DLAT: variants seen among roughly 807,000 people sequenced by gnomAD.
DLAT encodes dihydrolipoyllysine-residue acetyltransferase component of pyruvate dehydrogenase complex, mitochondrial.
In DLAT, 43 loss-of-function variants were observed where a neutral mutation model predicts 68.0. The ratio of observed to expected loss-of-function variants is 0.63; its 90% CI spans 0.50 to 0.81. The LOEUF is 0.81. Among genes scored for constraint, DLAT ranks in the 40% least tolerant of loss-of-function variants. The probability of loss-of-function intolerance (pLI) is 0.00; values close to 1 mark genes in which losing one functional copy is unlikely to be tolerated. For missense variants in DLAT, 745 were observed against 815.4 expected, an observed-to-expected ratio of 0.91 and a Z score of 1.05; for synonymous variants, 265 against 288.6, an observed-to-expected ratio of 0.92 and a Z score of 0.83.
intron 4 of DLAT, 136 bp from the exon 5 acceptor site, chr11:112,033,268 G>A: frequency 9.8e-7 from 1 of 1,023,760 alleles, no homozygotes; most frequent in Non-Finnish European, 1.5e-6. Flanking sequence ...AGCTATTGAG[G>A]TGTGAAGCTT....
chr11:112,028,654 C>T lies in DLAT; in HGVS notation c.506+15C>T. ...ACAGTTGGCAAGTGAGTAGTGCGCT[C>T]ATAATTTGTGGAACTTCATTGCTTG... On this transcript the variant is annotated intron_variant, in intron 3 of 13. Coordinates refer to ENST00000280346, the MANE Select transcript of DLAT (RefSeq NM_001931.5). The T allele has an allele frequency of 1.2e-6, 2 of 1,614,140 alleles. No individual in the cohort carries two copies. The highest frequency in any genetic ancestry group is 1.7e-6 in the Non-Finnish European group (2 of 1,180,022).
At chr11:112,045,083 T>C in intron 8 of DLAT, 55 bp from the exon 9 acceptor site, 1 of 1,348,268 alleles carries the variant, frequency 7.4e-7, no homozygotes, top group Non-Finnish European at 1.1e-6. Flanking sequence ...CTTTCCCAGG[T>C]ACTTACGCTA....
chr11:112,060,158 A>ATTTTTTTTTTTTTTTTTTTTTTTT (rs782188808), intron 12 of DLAT, 93 bp downstream of exon 12: 1 of 496,038 alleles, frequency 2.0e-6, no homozygotes, highest in African/African-American at 2.6e-5. Context: ...CTGTCACGTA[A>ATTTTTTTTTTTTTTTTTTTTTTTT]TTTTTTTTTT....
chr11:112,028,540 G>C lies in DLAT; in HGVS notation c.407G>C (p.Gly136Ala). 1 of 1,614,098 alleles carries C rather than the reference G, an allele frequency of 6.2e-7. No homozygotes were observed. Among genetic ancestry groups the C allele is most frequent in the African/African-American group, 1.3e-5 (1 of 75,012 alleles). The change falls in exon 3 of 14, where the codon GGA becomes GCA. Residue 136 changes from glycine to alanine, a missense_variant. Gly to Ala is a moderately conservative substitution (Grantham distance 60). Transcript: ENST00000280346. ...AEVETDKATV[G>A]FESLEECYMA... ...GTTGAAACTGATAAAGCCACTGTTG[G>C]ATTTGAGAGCCTGGAGGAGTGTTAT...
intron 7 of DLAT, among the ~76,000 whole-genome samples, chr11:112,043,115 GGCATTATCCTTAT>G (rs1390380492): frequency 1.3e-5 from 2 of 152,090 alleles, no homozygotes; most frequent in Non-Finnish European, 2.9e-5. Context: ...AACTGTGCTC[GGCATTATCCTTAT>G]GCCACATTTC....
intron 7 of DLAT, among the ~76,000 whole-genome samples, chr11:112,040,952 C>G (rs1043955852): frequency 3.3e-5 from 5 of 151,724 alleles, no homozygotes; most frequent in African/African-American, 1.2e-4. Flanking sequence ...AAGAAAATCC[C>G]ACTGTTCTTA....
chr11:112,051,095 G>A lies in DLAT; in HGVS notation c.1399-139G>A, dbSNP rs1018892127. ...ATGTGAGGCCTAATACCTGGGTGAT[G>A]GGTTGACAGGTGCAGCAAACCACCA... is the stretch of plus-strand genomic sequence containing the variant. On this transcript the variant is annotated intron_variant, in intron 10 of 13. Coordinates refer to ENST00000280346, the MANE Select transcript of DLAT (RefSeq NM_001931.5). The surrounding 1 kb of genome is among the most constrained non-coding windows in gnomAD (Gnocchi z 4.3). 15 of 611,556 alleles carry A rather than the reference G, an allele frequency of 2.5e-5. No individual in the cohort carries two copies. The highest frequency in any genetic ancestry group is 3.7e-5 in the African/African-American group (2 of 53,844). 37.9% of individuals were successfully genotyped at this position (611,556 alleles called of 1,614,324 possible).
chr11:112,033,624 T>C, intron 5 of DLAT, 94 bp downstream of exon 5: 1 of 1,418,892 alleles, frequency 7.0e-7, no homozygotes, highest in Non-Finnish European at 9.8e-7. Context: ...AGTGATAATA[T>C]GAAAACTTTA....
intron 11 of DLAT, 87 bp from the exon 12 acceptor site, chr11:112,059,816 G>C (rs988968248): frequency 2.8e-5 from 34 of 1,226,632 alleles, no homozygotes; most frequent in Non-Finnish European, 3.7e-5. Context: ...AAAAATTTTT[G>C]AAGTAAATAT....
Position 112,028,618 on chromosome 11 carries a change from T to C in DLAT, c.485T>C (p.Ile162Thr). The C allele has an allele frequency of 6.2e-7, 1 of 1,614,176 alleles. No homozygotes were observed. Among genetic ancestry groups the C allele is most frequent in the Non-Finnish European group, 8.5e-7 (1 of 1,180,036 alleles). Reference protein sequence around the residue: ...EGTRDVPIGAIICITVGKPED... With the variant: ...EGTRDVPIGATICITVGKPED... ...ACCAGGGATGTTCCCATCGGAGCGA[T>C]CATCTGTATCACAGTTGGCAAGTGA... The change falls in exon 3 of 14, where the codon ATC becomes ACC. Residue 162 changes from isoleucine to threonine, a missense_variant. Physicochemically the swap from Ile to Thr is moderately conservative, Grantham distance 89. Coordinates refer to ENST00000280346, the MANE Select transcript of DLAT (RefSeq NM_001931.5).
intron 11 of DLAT, among the ~76,000 whole-genome samples, chr11:112,056,175 A>C (rs1252607804): frequency 1.3e-5 from 2 of 151,922 alleles, no homozygotes; most frequent in African/African-American, 4.8e-5. Context: ...GCATGTAGAC[A>C]CTTTTTAACA....
intron 2 of DLAT, among the ~76,000 whole-genome samples, chr11:112,027,709 C>G (rs1479494305): frequency 2.6e-5 from 4 of 151,486 alleles, no homozygotes; most frequent in Admixed American, 6.6e-5. Flanking sequence ...ACCAGCCCGG[C>G]CAACACAGCG....
intron 6 of DLAT, among the ~76,000 whole-genome samples, chr11:112,038,022 A>G (rs1047615129): frequency 6.6e-6 from 1 of 152,228 alleles, no homozygotes; most frequent in Non-Finnish European, 1.5e-5. Context: ...CTATATAACT[A>G]TAACCTGAAC....
At chr11:112,034,056 C>T (rs1470902167) in intron 5 of DLAT, among the ~76,000 whole-genome samples, 1 of 152,194 alleles carries the variant, frequency 6.6e-6, no homozygotes, top group Non-Finnish European at 1.5e-5. Context: ...AATGCGTAGT[C>T]AGATTTGTCA....
chr11:112,026,578 T>C lies in DLAT; in HGVS notation c.381+279T>C, dbSNP rs1400682613. Among the ~76,000 whole-genome samples the C allele has an allele frequency of 4.6e-5, 7 of 152,186 alleles. No individual in the cohort carries two copies. The South Asian group carries it at 6.2e-4, about 14-fold the overall frequency. On this transcript the variant is annotated intron_variant, in intron 2 of 13. Coordinates refer to ENST00000280346, the MANE Select transcript of DLAT (RefSeq NM_001931.5). ...CTGTTTAACAAAGCACATCTTGCACTGCCCTTAATCCATTTAACCCTGAGT... is the reference window on the plus strand; with the variant it reads ...CTGTTTAACAAAGCACATCTTGCACCGCCCTTAATCCATTTAACCCTGAGT...
chr11:112,054,103 G>A (rs1242822949), intron 11 of DLAT, among the ~76,000 whole-genome samples: 13 of 151,362 alleles, frequency 8.6e-5, no homozygotes, highest in Admixed American at 6.6e-4. Context: ...GAGGTCAAGC[G>A]TTCGAGATCA....
intron 5 of DLAT, chr11:112,036,685 T>C (rs1862797853): frequency 6.6e-6 from 1 of 152,620 alleles, no homozygotes; most frequent in African/African-American, 2.4e-5. Flanking sequence ...GAATAAAATA[T>C]AAGTTGTCAA....
Position 112,064,362 on chromosome 11 carries a change from T to G in DLAT, c.*1827T>G. On this transcript the variant is annotated 3_prime_UTR_variant, in exon 14 of 14. Coordinates refer to ENST00000280346, the MANE Select transcript of DLAT (RefSeq NM_001931.5). ...AAATAGTGTTTTTGGTTCATATGAT[T>G]ATTTAAAAATTAAAGTATAAATCTT... 9.0e-6 allele frequency: 6 copies of G among 666,138 alleles called. No individual in the cohort carries two copies. The highest frequency in any genetic ancestry group is 1.2e-5 in the Non-Finnish European group (5 of 425,360). The allele number at this position is 666,138 out of a possible 1,614,324, so 41.3% of individuals were successfully genotyped here. A position where few individuals can be genotyped will look rare whatever the true frequency, so the allele number is the denominator to read the frequency against.
intron 7 of DLAT, 93 bp downstream of exon 7, chr11:112,039,490 C>G: frequency 3.9e-6 from 5 of 1,292,048 alleles, no homozygotes; most frequent in South Asian, 1.2e-5. Context: ...TATAGCCGTA[C>G]TTATAATTGG....
Sources: allele counts gnomAD v4.1 joint callset (sites outside exome capture counted in the v4.1 genomes callset), GRCh38; gene constraint gnomAD v4.1.1; non-coding constraint Gnocchi (gnomAD v3.1); transcripts MANE v1.5; gene names NCBI Gene and HGNC (gene_info 2026-07-23, HGNC 2026-07-21).